IFT56: variants seen among roughly 807,000 people sequenced by gnomAD.
IFT56 encodes the protein intraflagellar transport 56.
the IFT56 span, among the ~76,000 whole-genome samples, chr7:139,188,714 A>G: frequency 6.6e-6 from 1 of 152,256 alleles, no homozygotes; most frequent in Admixed American, 6.5e-5. Context: ...AGCATTCATT[A>G]CTTAAAATAT....
At chr7:139,188,894 T>G in the IFT56 span, among the ~76,000 whole-genome samples, 2 of 152,214 alleles carry the variant, frequency 1.3e-5, no homozygotes, top group Non-Finnish European at 2.9e-5. Context: ...TGAAGGTGGT[T>G]ACCACCTTAA....
At chr7:139,168,264 T>G in the IFT56 span, 3 of 851,528 alleles carry the variant, frequency 3.5e-6, no homozygotes, top group Non-Finnish European at 5.4e-6. Context: ...TATAAAGTAT[T>G]GAGTTAATGC....
the IFT56 span, among the ~76,000 whole-genome samples, chr7:139,185,033 A>T: frequency 1.3e-5 from 2 of 149,460 alleles, no homozygotes; most frequent in African/African-American, 5.1e-5. Context: ...CAGCCTGGGT[A>T]ACAGGGCGAG....
the IFT56 span, among the ~76,000 whole-genome samples, chr7:139,140,434 A>G: frequency 6.7e-6 from 1 of 148,356 alleles, no homozygotes; most frequent in East Asian, 2.0e-4. Flanking sequence ...TATGATATTC[A>G]TCTCAGGGCG....
At chr7:139,184,846 A>G in the IFT56 span, among the ~76,000 whole-genome samples, 7 of 150,496 alleles carry the variant, frequency 4.7e-5, no homozygotes, top group Admixed American at 2.0e-4. Context: ...CAAGGTCAGG[A>G]GATCGAGACC....
At chr7:139,153,446 C>CA in the IFT56 span, among the ~76,000 whole-genome samples, 35,612 of 138,136 alleles carry the variant, frequency 0.26, 7,800 homozygotes, top group African/African-American at 0.57. Flanking sequence ...TACTCCGTCT[C>CA]AAAAAAAAAA....
At chr7:139,150,272 C>A in the IFT56 span, among the ~76,000 whole-genome samples, 1 of 152,172 alleles carries the variant, frequency 6.6e-6, no homozygotes, top group Non-Finnish European at 1.5e-5. Flanking sequence ...AATTTGGTAT[C>A]TTTAGAGTTT....
the IFT56 span, among the ~76,000 whole-genome samples, chr7:139,179,808 G>A: frequency 6.6e-6 from 1 of 152,154 alleles, no homozygotes; most frequent in Non-Finnish European, 1.5e-5. Flanking sequence ...CTCAGTAAGA[G>A]TTGCCATGTA....
chr7:139,174,379 G>T, the IFT56 span: 1 of 455,682 alleles, frequency 2.2e-6, no homozygotes, highest in Non-Finnish European at 4.4e-6. Context: ...TCCACTGGCG[G>T]CCCGCGTTGG....
the IFT56 span, among the ~76,000 whole-genome samples, chr7:139,165,980 C>T: frequency 6.6e-6 from 1 of 152,148 alleles, no homozygotes; most frequent in East Asian, 1.9e-4. Context: ...TCTTTTGAGA[C>T]GGAGTCTTAC....
the IFT56 span, among the ~76,000 whole-genome samples, chr7:139,185,652 T>A: frequency 1.3e-5 from 2 of 151,914 alleles, no homozygotes; most frequent in Non-Finnish European, 2.9e-5. Flanking sequence ...TACCTCTGGG[T>A]ATGGAAAGAG....
the IFT56 span, chr7:139,187,648 T>C: frequency 7.4e-7 from 1 of 1,359,432 alleles, no homozygotes; most frequent in South Asian, 1.4e-5. Context: ...ATAATGATGT[T>C]TTAGAATGAT....
chr7:139,134,862 T>A, the IFT56 span: 1 of 1,513,946 alleles, frequency 6.6e-7, no homozygotes, highest in Admixed American at 1.9e-5. Context: ...GGGTGAATGC[T>A]GTTTGCTATG....
chr7:139,159,166 G>T, the IFT56 span, among the ~76,000 whole-genome samples: 2 of 152,132 alleles, frequency 1.3e-5, no homozygotes, highest in Admixed American at 6.6e-5. Context: ...GCAAGAGTTT[G>T]TATAAGATTG....
At chr7:139,152,899 A>G in the IFT56 span, among the ~76,000 whole-genome samples, 3 of 152,184 alleles carry the variant, frequency 2.0e-5, no homozygotes, top group Non-Finnish European at 4.4e-5. Context: ...CTGTAATCCT[A>G]GCACTTTGGG....
chr7:139,168,516 C>A, the IFT56 span: 1 of 710,900 alleles, frequency 1.4e-6, no homozygotes. Flanking sequence ...TTTATTTCTC[C>A]ATATCCCCCA....
At chr7:139,189,061 C>T in the IFT56 span, among the ~76,000 whole-genome samples, 1 of 152,152 alleles carries the variant, frequency 6.6e-6, no homozygotes, top group Non-Finnish European at 1.5e-5. Context: ...AAAAGATTAT[C>T]AGTATGTATA....
At chr7:139,164,144 G>A in the IFT56 span, among the ~76,000 whole-genome samples, 7 of 152,130 alleles carry the variant, frequency 4.6e-5, no homozygotes. Flanking sequence ...ACAGGGGAGT[G>A]GCCTGTTCCT....
chr7:139,171,083 A>G, the IFT56 span, among the ~76,000 whole-genome samples: 29,116 of 152,084 alleles, frequency 0.19, 5,054 homozygotes, highest in African/African-American at 0.43. Context: ...CAAAAAAGTA[A>G]TCTCATTTAT....
Sources: allele counts gnomAD v4.1 joint callset (sites outside exome capture counted in the v4.1 genomes callset), GRCh38; gene constraint gnomAD v4.1.1; transcripts MANE v1.5; gene names NCBI Gene and HGNC (gene_info 2026-07-23, HGNC 2026-07-21).